Variants in PACS1 observed in about 807,000 individuals in gnomAD.
The protein encoded by PACS1 is phosphofurin acidic cluster sorting protein 1.
In PACS1, 24 loss-of-function variants were observed where a neutral mutation model predicts 115.0. The ratio of observed to expected loss-of-function variants is 0.21; its 90% CI spans 0.15 to 0.29. PACS1 has a LOEUF of 0.29. PACS1 is among the 10% of genes least tolerant of loss of function. The pLI is 1.00. For missense variants in PACS1, 838 were observed against 1,251.2 expected (o/e 0.67, Z 4.98); for synonymous variants, 453 against 504.5 (o/e 0.90, Z 1.37).
chr11:66,227,593 G>T lies in PACS1; in HGVS notation c.1374+9G>T. ...CTGAAACAGACACTCTGGTATGTAT[G>T]GGTCAGTTTCCTGTTTCAGCTGTTT... On this transcript the variant is annotated intron_variant, in intron 11 of 23. Transcript: ENST00000320580. 6.4e-7 allele frequency: 1 copy of T among 1,564,944 alleles called. No individual in the cohort carries two copies. Among genetic ancestry groups the T allele is most frequent in the Non-Finnish European group, 8.7e-7 (1 of 1,144,914 alleles).
chr11:66,086,767 C>A (rs1857577040), intron 1 of PACS1, among the ~76,000 whole-genome samples: 1 of 152,004 alleles, frequency 6.6e-6, no homozygotes, highest in Non-Finnish European at 1.5e-5. Context: ...AGGCACACAC[C>A]ACCATGCCTG....
At chr11:66,198,004 A>G (rs1854686922) in intron 2 of PACS1, among the ~76,000 whole-genome samples, 1 of 152,226 alleles carries the variant, frequency 6.6e-6, no homozygotes, top group Non-Finnish European at 1.5e-5. Context: ...ATTTACAGAA[A>G]TGTAAAACTA....
intron 1 of PACS1, among the ~76,000 whole-genome samples, chr11:66,076,769 C>T (rs1398968277): frequency 6.6e-6 from 1 of 152,184 alleles, no homozygotes; most frequent in Non-Finnish European, 1.5e-5. Context: ...TGGTGTTGGC[C>T]TGGCTTGCAC....
chr11:66,144,868 C>A (rs758718646), intron 1 of PACS1, among the ~76,000 whole-genome samples: 2 of 152,188 alleles, frequency 1.3e-5, no homozygotes, highest in African/African-American at 4.8e-5. Context: ...CTCCTGACCT[C>A]AGGTGATCCA....
intron 1 of PACS1, among the ~76,000 whole-genome samples, chr11:66,106,836 C>T (rs1858055260): frequency 6.6e-6 from 1 of 152,064 alleles, no homozygotes; most frequent in Admixed American, 6.5e-5. Flanking sequence ...TTATACCTTT[C>T]CGAAGGTTGT....
chr11:66,094,228 A>C (rs1387804948), intron 1 of PACS1, among the ~76,000 whole-genome samples: 1 of 150,728 alleles, frequency 6.6e-6, no homozygotes, highest in African/African-American at 2.4e-5. Flanking sequence ...GAGACACAAA[A>C]AACCCTTCAA....
At chr11:66,160,261 G>A (rs768336229) in intron 1 of PACS1, among the ~76,000 whole-genome samples, 10 of 152,042 alleles carry the variant, frequency 6.6e-5, no homozygotes, top group Non-Finnish European at 1.0e-4. Context: ...TACTAGCTGC[G>A]TGACCTCAGG....
intron 1 of PACS1, among the ~76,000 whole-genome samples, chr11:66,106,615 G>A (rs904058227): frequency 2.0e-5 from 3 of 151,956 alleles, no homozygotes; most frequent in African/African-American, 7.2e-5. Context: ...GGTGGTGCAT[G>A]CCTGTAATCC....
In PACS1 at chr11:66,216,228, C is replaced by A. The variant is rs773823991; in HGVS notation, c.770C>A (p.Pro257His). Reference sequence around the variant, plus strand: ...AAGATCTACTCCCTGTCCAGCCAACCCATTGACCATGAAGGAATCAAATCC... The same window carrying A: ...AAGATCTACTCCCTGTCCAGCCAACACATTGACCATGAAGGAATCAAATCC... The part of the protein sequence containing the change: ...EIKIYSLSSQ[P>H]IDHEGIKSKL... Residue 257 changes from proline (P) to histidine (H), a missense_variant, in exon 5 of 24, where the codon CCC (proline) becomes CAC (histidine). Coordinates refer to ENST00000320580, the MANE Select transcript of PACS1 (RefSeq NM_018026.4). The A allele has an allele frequency of 2.5e-6, 4 of 1,614,084 alleles. No homozygotes were observed. Among genetic ancestry groups the A allele is most frequent in the Non-Finnish European group, 3.4e-6 (4 of 1,180,022 alleles).
At chr11:66,161,454 AAAACG>A (rs998872681) in intron 1 of PACS1, among the ~76,000 whole-genome samples, 5 of 152,178 alleles carry the variant, frequency 3.3e-5, no homozygotes, top group African/African-American at 1.2e-4. Context: ...ATCTATCTCT[AAAACG>A]AAAATAAAAA....
chr11:66,189,053 A>G lies in PACS1; in HGVS notation c.357-4433A>G, dbSNP rs951697098. On this transcript the variant is annotated intron_variant, in intron 1 of 23. Transcript: ENST00000320580. Reference sequence around the variant, plus strand: ...CAGCATCCGTATCTGTAAAATAGGTATAATACCCACCTCTTAGCATTACTG... The same window carrying G: ...CAGCATCCGTATCTGTAAAATAGGTGTAATACCCACCTCTTAGCATTACTG... 4.6e-5 allele frequency among the ~76,000 whole-genome samples: 7 copies of G among 152,284 alleles called. No individual in the cohort carries two copies. In the East Asian group the frequency reaches 7.7e-4, roughly 17 times the overall value.
At chr11:66,173,091 G>GTT (rs1554984845) in intron 1 of PACS1, among the ~76,000 whole-genome samples, 3 of 142,468 alleles carry the variant, frequency 2.1e-5, no homozygotes, top group Non-Finnish European at 4.6e-5. Context: ...TTTGATTTTG[G>GTT]TTTTTTTTTT....
intron 2 of PACS1, among the ~76,000 whole-genome samples, chr11:66,205,978 T>A (rs1854925132): frequency 6.6e-6 from 1 of 152,120 alleles, no homozygotes; most frequent in South Asian, 2.1e-4. Flanking sequence ...TCAAACCCCA[T>A]CTCTACTAAA....
chr11:66,232,840 G>A (rs1296581977), intron 14 of PACS1, 120 bp from the exon 15 acceptor site: 1 of 753,228 alleles, frequency 1.3e-6, no homozygotes. Flanking sequence ...CCCAGCTTCG[G>A]TCTGAACTGC....
intron 1 of PACS1, among the ~76,000 whole-genome samples, chr11:66,123,170 G>A (rs1858483747): frequency 6.7e-6 from 1 of 149,978 alleles, no homozygotes; most frequent in African/African-American, 2.5e-5. Context: ...AACTTGCAGA[G>A]GGCTCAGAAA....
intron 1 of PACS1, among the ~76,000 whole-genome samples, chr11:66,103,694 A>G (rs886912471): frequency 2.2e-4 from 34 of 151,610 alleles, no homozygotes; most frequent in African/African-American, 7.3e-4. Context: ...TATTTTTTTT[A>G]GTGGAGACGG....
chr11:66,154,172 C>T (rs1243564342), intron 1 of PACS1, among the ~76,000 whole-genome samples: 2 of 152,190 alleles, frequency 1.3e-5, no homozygotes, highest in Admixed American at 6.5e-5. Flanking sequence ...TGCAGTGGCT[C>T]ACGTCAGTAA....
chr11:66,237,384 T>G (rs913589654), intron 19 of PACS1, among the ~76,000 whole-genome samples: 24 of 152,234 alleles, frequency 1.6e-4, no homozygotes, highest in Admixed American at 1.2e-3. Flanking sequence ...TTTTTGTAAT[T>G]TCCTTGAGGC....
chr11:66,156,510 G>A (rs1859363730), intron 1 of PACS1, among the ~76,000 whole-genome samples: 1 of 151,734 alleles, frequency 6.6e-6, no homozygotes, highest in African/African-American at 2.4e-5. Context: ...CTCTCAAAGT[G>A]CTGGGATTGC....
Sources: allele counts gnomAD v4.1 joint callset (sites outside exome capture counted in the v4.1 genomes callset), GRCh38; gene constraint gnomAD v4.1.1; transcripts MANE v1.5; gene names NCBI Gene and HGNC (gene_info 2026-07-23, HGNC 2026-07-21).